The following SYNE1 variants were observed in gnomAD, a reference collection of about 807,000 sequenced individuals.
SYNE1 encodes the protein nesprin-1.
Under a neutral mutation model 1,111.0 loss-of-function variants are expected in SYNE1, and 616 were observed. The observed-to-expected ratio is 0.55, with a 90% CI of 0.52 to 0.59. SYNE1 has a LOEUF of 0.59. Among genes scored for constraint, SYNE1 ranks in the 20% least tolerant of loss-of-function variants. The pLI, the probability that SYNE1 is intolerant of heterozygous loss-of-function variation, is 0.00. For synonymous variants in SYNE1, 3,855 were observed against 3,825.8 expected, an observed-to-expected ratio of 1.01 and a Z score of -0.28; for missense variants, 10,006 against 10,417.0, an observed-to-expected ratio of 0.96 and a Z score of 1.72.
chr6:152,159,842 A>G (rs2062092740), intron 131 of SYNE1, among the ~76,000 whole-genome samples: 1 of 152,114 alleles, frequency 6.6e-6, no homozygotes, highest in South Asian at 2.1e-4. Flanking sequence ...ATTTGTCCAT[A>G]CTTTATGAAT....
chr6:152,348,277 C>A (rs768369005), intron 72 of SYNE1, among the ~76,000 whole-genome samples: 1 of 152,188 alleles, frequency 6.6e-6, no homozygotes, highest in African/African-American at 2.4e-5. Flanking sequence ...TATGGCACAG[C>A]CCCCAGGCTT....
Position 152,290,282 on chromosome 6 carries a change from C to T in SYNE1, c.18012+3306G>A, listed in dbSNP as rs117311170. ...AAATGAAATCTGTAAGACAGCCAAGCATGGTGGCTCACACCTGTAATCCCA... is the reference window on the plus strand; with the variant it reads ...AAATGAAATCTGTAAGACAGCCAAGTATGGTGGCTCACACCTGTAATCCCA... On this transcript the variant is annotated intron_variant, in intron 95 of 145. Coordinates refer to ENST00000367255, the MANE Select transcript of SYNE1 (RefSeq NM_182961.4). Among the ~76,000 whole-genome samples the T allele has an allele frequency of 1.4e-4, 22 of 152,280 alleles. 1 individual carries two copies. In the East Asian group the frequency reaches 4.3e-3, roughly 29 times the overall value.
At chr6:152,464,546 T>C (rs147933690) in intron 18 of SYNE1, among the ~76,000 whole-genome samples, 1 of 152,304 alleles carries the variant, frequency 6.6e-6, no homozygotes, top group African/African-American at 2.4e-5. Flanking sequence ...ATACATCTAC[T>C]TGTCCAAACA....
intron 14 of SYNE1, 89 bp downstream of exon 14, chr6:152,482,996 G>A (rs766122934): frequency 8.9e-5 from 128 of 1,432,088 alleles, no homozygotes; most frequent in East Asian, 5.9e-4. Context: ...TATTTGGGGC[G>A]TCCCCGCCAG....
intron 3 of SYNE1, among the ~76,000 whole-genome samples, chr6:152,551,776 G>A (rs9322378): frequency 0.5 from 76,588 of 152,022 alleles, 19,515 homozygotes; most frequent in Admixed American, 0.6. Context: ...ATATAAAGGT[G>A]CATGTTAATG....
In SYNE1 at chr6:152,309,915, GA is replaced by G; in HGVS notation, c.17121del (p.Leu5708SerfsTer40). ...TGCAGCCGCAGAGCAGCATGACAGA[GA>G]GGTAAGCTGGCAACCACATCCTCGG... ...RIPEDVVASL[P>X]LCHAALRLQE... is the part of the protein sequence containing the mutation. On this transcript the variant is annotated frameshift_variant, in exon 90 of 146. Transcript: ENST00000367255. LOFTEE classifies it high-confidence loss of function. 6.2e-7 allele frequency: 1 copy of G among 1,614,168 alleles called. No homozygotes were observed. Among genetic ancestry groups the G allele is most frequent in the Non-Finnish European group, 8.5e-7 (1 of 1,180,036 alleles).
Position 152,232,278 on chromosome 6 carries a change from G to T in SYNE1, c.20713-13C>A. On this transcript the variant is annotated splice_polypyrimidine_tract_variant and intron_variant, in intron 112 of 145. Transcript: ENST00000367255. ...TATCCATCTGGAGCTGTCCAAGTCA[G>T]GGAGAGAACCAGTCCCAAGTGTTAA... 6.2e-7 allele frequency: 1 copy of T among 1,613,666 alleles called. No individual in the cohort carries two copies. The highest frequency in any genetic ancestry group is 2.2e-5 in the East Asian group (1 of 44,796).
intron 3 of SYNE1, among the ~76,000 whole-genome samples, chr6:152,614,813 T>A (rs2128836168): frequency 6.6e-6 from 1 of 152,304 alleles, no homozygotes; most frequent in East Asian, 1.9e-4. Context: ...ATAAAAAAGA[T>A]GAGTTCATGT....
At chr6:152,543,262 T>A (rs562153688) in intron 3 of SYNE1, among the ~76,000 whole-genome samples, 1 of 152,288 alleles carries the variant, frequency 6.6e-6, no homozygotes, top group Non-Finnish European at 1.5e-5. Flanking sequence ...TTACTATGGT[T>A]GCAAAAACAG....
At chr6:152,320,838 T>G (rs1039539541) in intron 84 of SYNE1, among the ~76,000 whole-genome samples, 7 of 152,242 alleles carry the variant, frequency 4.6e-5, no homozygotes, top group Admixed American at 1.3e-4. Flanking sequence ...TTTATTTCTT[T>G]GATTTTTCCC....
intron 42 of SYNE1, among the ~76,000 whole-genome samples, chr6:152,412,375 G>C (rs919823887): frequency 1.5e-4 from 22 of 148,944 alleles, no homozygotes; most frequent in African/African-American, 5.5e-4. Flanking sequence ...AGCGAGCAGA[G>C]ATAGCGCCAC....
At chr6:152,352,405 TTTC>T (rs923428121) in intron 69 of SYNE1, 52 bp from the exon 70 acceptor site, 126 of 1,508,778 alleles carry the variant, frequency 8.4e-5, no homozygotes, top group East Asian at 4.9e-4. Context: ...TTTTCTTTTC[TTTC>T]TTTTTTTTTT....
At chr6:152,371,310 T>G (rs2097175861) in intron 59 of SYNE1, among the ~76,000 whole-genome samples, 1 of 151,794 alleles carries the variant, frequency 6.6e-6, no homozygotes, top group Non-Finnish European at 1.5e-5. Flanking sequence ...ATCTGACAGT[T>G]TTATAATGGA....
intron 145 of SYNE1, chr6:152,127,102 T>C (rs1314155829): frequency 1.3e-5 from 2 of 152,136 alleles, no homozygotes; most frequent in African/African-American, 2.4e-5. Context: ...AGGTCTTCTT[T>C]TTTTCCAAAC....
intron 26 of SYNE1, 97 bp from the exon 27 acceptor site, chr6:152,450,930 A>G: frequency 1.3e-6 from 2 of 1,592,940 alleles, no homozygotes; most frequent in Non-Finnish European, 1.7e-6. Flanking sequence ...CACGCAGACT[A>G]CCAAGGTAGA....
chr6:152,143,399 G>A lies in SYNE1; in HGVS notation c.25119+224C>T, dbSNP rs532296219. Among the ~76,000 whole-genome samples the A allele has an allele frequency of 1.4e-4, 22 of 152,266 alleles. No individual in the cohort carries two copies. The South Asian group carries it at 4.4e-3, about 30-fold the overall frequency. On this transcript the variant is annotated intron_variant, in intron 138 of 145. Transcript: ENST00000367255. ...ATCTCCCTAAGTGCTCAGTGTAAAG[G>A]AACAGGTTTGTCATTACAACAGTTT...
intron 3 of SYNE1, among the ~76,000 whole-genome samples, chr6:152,605,031 AGAGAGGGAGGGAGG>A (rs1236902358): frequency 1.6e-4 from 9 of 56,528 alleles, no homozygotes; most frequent in Admixed American, 4.0e-4. Context: ...AGAGAGAGAG[AGAGAGGGAGGGAGG>A]GAGGGAGGGA....
Position 152,133,412 on chromosome 6 carries a change from T to A in SYNE1, c.25865A>T (p.Asn8622Ile). Residue 8622 changes from asparagine to isoleucine, a missense_variant, in exon 143 of 146, where the codon AAT (asparagine) becomes ATT (isoleucine). Physicochemically the swap from Asn to Ile is moderately radical, Grantham distance 149 (BLOSUM62 -3). Around this residue, in one of 7 missense-constraint regions of SYNE1, gnomAD observed 761 missense variants for 795.5 expected, o/e 0.96. Transcript: ENST00000367255. ...TTCTAAACAGTCTGTTCCTTCAGCATTCACCAGTAGTTGGCAAGACATGTC... is the reference window on the plus strand; with the variant it reads ...TTCTAAACAGTCTGTTCCTTCAGCAATCACCAGTAGTTGGCAAGACATGTC... Reference protein sequence around the residue: ...LQDMSCQLLVNAEGTDCLEAK... With the variant: ...LQDMSCQLLVIAEGTDCLEAK... 6.2e-7 allele frequency: 1 copy of A among 1,614,232 alleles called. No individual in the cohort carries two copies. The highest frequency in any genetic ancestry group is 8.5e-7 in the Non-Finnish European group (1 of 1,180,044).
chr6:152,601,558 A>G (rs1363913590), intron 3 of SYNE1, among the ~76,000 whole-genome samples: 4 of 152,192 alleles, frequency 2.6e-5, no homozygotes, highest in African/African-American at 9.6e-5. Context: ...TCCAATATAC[A>G]AAGAACCCAG....
Sources: gnomAD v4.1 joint callset for allele counts (sites outside exome capture counted in the v4.1 genomes callset) on GRCh38, gnomAD v4.1.1 for gene constraint, gnomAD v4.1.1 regional missense constraint, MANE v1.5 for transcripts, NCBI Gene and HGNC (gene_info 2026-07-23, HGNC 2026-07-21) for gene names.